Variants in WDR44 observed in about 807,000 individuals in gnomAD.
WDR44 encodes WD repeat domain 44.
A neutral mutation model predicts 65.7 loss-of-function variants in WDR44; 9 were observed. The observed-to-expected ratio is 0.14, with a 90% CI of 0.08 to 0.24. WDR44 has a LOEUF of 0.24. Ranked by LOEUF, WDR44 falls within the 10% of genes least tolerant of loss-of-function variation. The pLI is 1.00. For synonymous variants in WDR44, 220 were observed against 235.2 expected (o/e 0.94, Z 0.59); for missense variants, 425 against 670.9 (o/e 0.63, Z 4.05).
chrX:118,394,659 C>A (rs971476428), intron 5 of WDR44, among the ~76,000 whole-genome samples: 5 of 110,058 alleles, frequency 4.5e-5, no homozygotes, highest in African/African-American at 6.6e-5. Context: ...CTAATTTTAC[C>A]ACAGCCAGAT....
chrX:118,386,560 A>T (rs1331217439), intron 2 of WDR44: 1 of 316,040 alleles, frequency 3.2e-6, no homozygotes, highest in East Asian at 1.0e-4. Context: ...AGCATGTAGA[A>T]TTTTAAGAAA....
intron 14 of WDR44, among the ~76,000 whole-genome samples, chrX:118,438,013 G>A (rs1485901036): frequency 9.7e-6 from 1 of 103,236 alleles, no homozygotes; most frequent in Non-Finnish European, 2.0e-5. Context: ...GCAATAGAGC[G>A]AGACTCTGTC....
chrX:118,410,787 A>G, intron 11 of WDR44, 108 bp from the exon 12 acceptor site: 1 of 628,784 alleles, frequency 1.6e-6, no homozygotes, highest in South Asian at 2.9e-5. Flanking sequence ...AGAATACTGT[A>G]TTCTCTAACT....
At chrX:118,351,230 T>C (rs1349219559) in intron 1 of WDR44, among the ~76,000 whole-genome samples, 1 of 112,374 alleles carries the variant, frequency 8.9e-6, no homozygotes, top group East Asian at 2.8e-4. Flanking sequence ...AGGCATTTAG[T>C]TAGTATTAAC....
At chrX:118,378,337 G>T in intron 1 of WDR44, 82 bp from the exon 2 acceptor site, 2 of 761,167 alleles carry the variant, frequency 2.6e-6, no homozygotes, top group Non-Finnish European at 3.9e-6. Flanking sequence ...TTTAAATGTG[G>T]ACTTGTCTGT....
At chrX:118,400,886 T>A (rs2147710463) in intron 8 of WDR44, among the ~76,000 whole-genome samples, 1 of 98,915 alleles carries the variant, frequency 1.0e-5, no homozygotes, top group Non-Finnish European at 2.0e-5. Flanking sequence ...GATCTCATTG[T>A]TCAATTCCCA....
At chrX:118,408,018 C>T (rs977199088) in intron 10 of WDR44, among the ~76,000 whole-genome samples, 4 of 111,753 alleles carry the variant, frequency 3.6e-5, no homozygotes, top group Non-Finnish European at 7.5e-5. Flanking sequence ...TTAGTATTTT[C>T]CTTAAGGAAA....
At chrX:118,426,449 C>T (rs2057157404) in intron 12 of WDR44, among the ~76,000 whole-genome samples, 1 of 111,519 alleles carries the variant, frequency 9.0e-6, no homozygotes, top group Non-Finnish European at 1.9e-5. Flanking sequence ...TGCTTGTAAT[C>T]GCAGCACTTT....
intron 1 of WDR44, among the ~76,000 whole-genome samples, chrX:118,358,146 T>A (rs1344168610): frequency 1.8e-5 from 2 of 112,487 alleles, no homozygotes; most frequent in African/African-American, 6.5e-5. Flanking sequence ...CTATAGGTTG[T>A]AGAAAGAATG....
At chrX:118,359,318 G>A (rs759305984) in intron 1 of WDR44, among the ~76,000 whole-genome samples, 3 of 112,192 alleles carry the variant, frequency 2.7e-5, no homozygotes, top group Non-Finnish European at 5.6e-5. Context: ...GGGACATGGT[G>A]ATATAGCTGC....
chrX:118,377,109 G>A (rs1001017243), intron 1 of WDR44, among the ~76,000 whole-genome samples: 5 of 110,914 alleles, frequency 4.5e-5, no homozygotes, highest in Non-Finnish European at 9.4e-5. Context: ...TGTAATCTCA[G>A]TACTTTGAGA....
intron 19 of WDR44, chrX:118,445,153 G>C: frequency 4.2e-6 from 1 of 236,370 alleles, no homozygotes. Context: ...AAATTAGCCG[G>C]GCATGGTGGC....
intron 6 of WDR44, among the ~76,000 whole-genome samples, chrX:118,396,050 A>G (rs924203405): frequency 9.0e-6 from 1 of 111,122 alleles, no homozygotes; most frequent in African/African-American, 3.3e-5. Context: ...TAATATAATA[A>G]TAAAAGAACT....
chrX:118,403,033 A>G (rs775351684), intron 8 of WDR44, among the ~76,000 whole-genome samples: 52 of 111,884 alleles, frequency 4.6e-4, no homozygotes, highest in Non-Finnish European at 1.5e-4. Flanking sequence ...GAAGACTACT[A>G]AGTAATAAGT....
intron 12 of WDR44, among the ~76,000 whole-genome samples, chrX:118,424,265 T>TTA (rs368098490): frequency 0.27 from 20,908 of 76,961 alleles, 2,200 homozygotes; most frequent in Admixed American, 0.4. Context: ...ACTTGTTATC[T>TTA]TATATATATA....
intron 1 of WDR44, among the ~76,000 whole-genome samples, chrX:118,364,883 C>G (rs1180116357): frequency 8.9e-6 from 1 of 112,396 alleles, no homozygotes; most frequent in Non-Finnish European, 1.9e-5. Context: ...AATTTCTACT[C>G]TTAGTCCTAG....
At chrX:118,405,920 C>T (rs906437299) in intron 9 of WDR44, among the ~76,000 whole-genome samples, 5 of 110,861 alleles carry the variant, frequency 4.5e-5, no homozygotes, top group African/African-American at 1.3e-4. Context: ...ACAGGAGAAC[C>T]GCTTGAGGCC....
At chrX:118,366,598 T>C (rs2056554454) in intron 1 of WDR44, among the ~76,000 whole-genome samples, 1 of 110,866 alleles carries the variant, frequency 9.0e-6, no homozygotes. Flanking sequence ...ATATGGACCG[T>C]ATTTGATTGA....
intron 1 of WDR44, among the ~76,000 whole-genome samples, chrX:118,369,031 A>C (rs1202123289): frequency 9.2e-6 from 1 of 108,332 alleles, no homozygotes; most frequent in East Asian, 3.0e-4. Flanking sequence ...CCTGGCCAAA[A>C]ATAATTTCTA....
Sources: gnomAD v4.1 joint callset for allele counts (sites outside exome capture counted in the v4.1 genomes callset) on GRCh38, gnomAD v4.1.1 for gene constraint, MANE v1.5 for transcripts, NCBI Gene and HGNC (gene_info 2026-07-23, HGNC 2026-07-21) for gene names.